Variants in RP1L1 observed in about 807,000 individuals in gnomAD.
RP1L1 encodes RP1 like 1, also known as retinitis pigmentosa 1-like 1 protein.
In RP1L1, 27 loss-of-function variants were observed where a neutral mutation model predicts 15.7. That is an observed-to-expected ratio of 1.72 (90% confidence interval 1.27 to 2.38). The LOEUF (loss-of-function observed/expected upper bound fraction) is 2.38, where lower values mean the gene tolerates loss of function less well. RP1L1 is among the 30% of genes most tolerant of loss of function. The probability of loss-of-function intolerance (pLI) is 0.00; values close to 1 mark genes in which losing one functional copy is unlikely to be tolerated. For missense variants in RP1L1, 4,798 were observed against 3,075.9 expected (o/e 1.56, Z -13.24); for synonymous variants, 1,813 against 1,276.7 (o/e 1.42, Z -8.96).
At chr8:10,613,898 T>C (rs560596324) in intron 3 of RP1L1, among the ~76,000 whole-genome samples, 60 of 152,254 alleles carry the variant, frequency 3.9e-4, no homozygotes, top group Non-Finnish European at 6.8e-4. Context: ...AACTTCAGTC[T>C]GAATTCAATC....
At chr8:10,631,405 A>ACG (rs765820848) in intron 1 of RP1L1, among the ~76,000 whole-genome samples, 2 of 133,632 alleles carry the variant, frequency 1.5e-5, no homozygotes, top group African/African-American at 5.5e-5. Context: ...ACGCACACAC[A>ACG]CGCACACACG....
chr8:10,610,290 C>T lies in RP1L1; in HGVS notation c.3808G>A (p.Ala1270Thr). 1 of 1,614,196 alleles carries T rather than the reference C, an allele frequency of 6.2e-7. No individual in the cohort carries two copies. Among genetic ancestry groups the T allele is most frequent in the Non-Finnish European group, 8.5e-7 (1 of 1,180,038 alleles). Residue 1270 changes from alanine to threonine, a missense_variant, in exon 4 of 4, where the codon GCC (alanine) becomes ACC (threonine). Transcript: ENST00000382483. ...CTTTCTGCTTCATCCTCATTGGTGG[C>T]ACAAGCGCAGGCTCGGGCGTTCAAG... ...TFLNARACAC[A>T]TNEDEAERDS...
chr8:10,610,636 C>A lies in RP1L1; in HGVS notation c.3462G>T (p.Ser1154=). The A allele has an allele frequency of 6.2e-7, 1 of 1,612,330 alleles. No individual in the cohort carries two copies. Among genetic ancestry groups the A allele is most frequent in the East Asian group, 2.2e-5 (1 of 44,852 alleles). ...CGTCACATCCTGGCCACAGGTCCTT[C>A]GAGATGCTGAGCAGCTCCTGGTACC... ...SPRYQELLSI[S]KDLWPGCDVG... is the part of the protein sequence containing the mutation. The change falls in exon 4 of 4, where the codon TCG becomes TCT. Residue 1154 remains serine (S), a synonymous_variant. Coordinates refer to ENST00000382483, the MANE Select transcript of RP1L1 (RefSeq NM_178857.6).
At chr8:10,621,517 G>T (rs556548263) in intron 2 of RP1L1, 7 of 346,164 alleles carry the variant, frequency 2.0e-5, no homozygotes, top group African/African-American at 1.5e-4. Context: ...GTAGATATAG[G>T]GTTTCGCCCT....
intron 1 of RP1L1, among the ~76,000 whole-genome samples, chr8:10,648,231 T>A (rs1345046884): frequency 1.3e-5 from 2 of 152,052 alleles, no homozygotes; most frequent in Admixed American, 1.3e-4. Flanking sequence ...GGGATTTCAC[T>A]ACATAGGCCA....
chr8:10,617,546 C>CTTTTTTTTTT (rs777209714), intron 2 of RP1L1, among the ~76,000 whole-genome samples: 75 of 63,400 alleles, frequency 1.2e-3, no homozygotes, highest in Admixed American at 1.5e-3. Flanking sequence ...GTTTCTTTTT[C>CTTTTTTTTTT]TTTTTTTTTT....
rs1204692440 is a variant in RP1L1, at chr8:10,608,083, A to C, written c.6015T>G (p.Ala2005=). The C allele has an allele frequency of 2.7e-6, 4 of 1,492,278 alleles. No individual in the cohort carries two copies. The highest frequency in any genetic ancestry group is 3.6e-6 in the Non-Finnish European group (4 of 1,122,082). The allele number at this position is 1,492,278 out of a possible 1,614,324, so 92.4% of individuals were successfully genotyped here. ...PESEDVEAPE[A]EGEMQEAEEE... ...CTTCTGCCTCTTGCATCTCCCCTTC[A>C]GCCTCTGGGGCCTCTACATCTTCTG... Residue 2005 remains alanine (A), a synonymous_variant, in exon 4 of 4, where the codon GCT becomes GCG. Coordinates refer to ENST00000382483, the MANE Select transcript of RP1L1 (RefSeq NM_178857.6).
chr8:10,653,143 A>C (rs1409191005), intron 1 of RP1L1, among the ~76,000 whole-genome samples: 2 of 152,216 alleles, frequency 1.3e-5, no homozygotes, highest in Non-Finnish European at 2.9e-5. Flanking sequence ...TGACATACTT[A>C]TTCAATGACA....
Position 10,610,269 on chromosome 8 carries a change from C to G in RP1L1, c.3829G>C (p.Glu1277Gln). ...CACATNEDEAERDSEEQRASS... is the reference protein window; with the variant it reads ...CACATNEDEAQRDSEEQRASS... ...GCCCTCTGCTCCTCACTGTCTCTTT[C>G]TGCTTCATCCTCATTGGTGGCACAA... The change falls in exon 4 of 4, where the codon GAA (glutamate) becomes CAA (glutamine). Residue 1277 changes from glutamate to glutamine, a missense_variant. Physicochemically the swap from Glu to Gln is conservative, Grantham distance 29. Coordinates refer to ENST00000382483, the MANE Select transcript of RP1L1 (RefSeq NM_178857.6). 3.1e-6 allele frequency: 5 copies of G among 1,614,216 alleles called. No homozygotes were observed. Among genetic ancestry groups the G allele is most frequent in the Non-Finnish European group, 4.2e-6 (5 of 1,180,048 alleles).
At chr8:10,629,905 C>G (rs1454349891) in intron 1 of RP1L1, among the ~76,000 whole-genome samples, 2 of 152,200 alleles carry the variant, frequency 1.3e-5, no homozygotes, top group Non-Finnish European at 2.9e-5. Flanking sequence ...CTCACCAAGA[C>G]CACTTATCCC....
intron 1 of RP1L1, among the ~76,000 whole-genome samples, chr8:10,652,461 C>T (rs918146107): frequency 2.0e-5 from 3 of 152,106 alleles, no homozygotes; most frequent in Non-Finnish European, 4.4e-5. Flanking sequence ...TTGACGAATG[C>T]GATGTCATCT....
intron 2 of RP1L1, chr8:10,621,687 G>A (rs762450302): frequency 2.0e-6 from 1 of 490,892 alleles, no homozygotes. Context: ...CAACAGGACT[G>A]AATCTTGAGG....
At chr8:10,635,583 G>A (rs1263520343) in intron 1 of RP1L1, among the ~76,000 whole-genome samples, 1 of 152,144 alleles carries the variant, frequency 6.6e-6, no homozygotes, top group Non-Finnish European at 1.5e-5. Flanking sequence ...TGCTCTCCAG[G>A]GGACCGTGGA....
chr8:10,653,008 G>C (rs1365601746), intron 1 of RP1L1, among the ~76,000 whole-genome samples: 2 of 152,206 alleles, frequency 1.3e-5, no homozygotes, highest in Admixed American at 1.3e-4. Context: ...CTCCGGGTCT[G>C]AGGCAGGGTG....
At chr8:10,629,098 G>A (rs923824295) in intron 1 of RP1L1, among the ~76,000 whole-genome samples, 1 of 152,272 alleles carries the variant, frequency 6.6e-6, no homozygotes, top group Non-Finnish European at 1.5e-5. Context: ...GAAAGAGAAT[G>A]GAGTGAGAAG....
At chr8:10,632,737 T>C (rs1798271193) in intron 1 of RP1L1, among the ~76,000 whole-genome samples, 1 of 152,228 alleles carries the variant, frequency 6.6e-6, no homozygotes, top group African/African-American at 2.4e-5. Flanking sequence ...CGGATCAACA[T>C]TCATCCAACA....
intron 2 of RP1L1, among the ~76,000 whole-genome samples, chr8:10,616,866 T>G (rs1292963775): frequency 6.6e-6 from 1 of 152,204 alleles, no homozygotes; most frequent in African/African-American, 2.4e-5. Context: ...ATGCCCCTGC[T>G]GCAAAAGACT....
chr8:10,610,026 C>T lies in RP1L1; in HGVS notation c.4072G>A (p.Glu1358Lys), dbSNP rs1249088401. Residue 1358 changes from glutamate to lysine, a missense_variant, in exon 4 of 4, where the codon GAA (glutamate) becomes AAA (lysine). By Grantham distance (56) the Glu-to-Lys change is moderately conservative. Coordinates refer to ENST00000382483, the MANE Select transcript of RP1L1 (RefSeq NM_178857.6). ...CCTTCTCCTCCTGTTTCTTCAATTT[C>T]CTCTAACTGCGCCTCTTCTTCTTGC... is the stretch of plus-strand genomic sequence containing the variant. ...GQQEEEAQLE[E>K]IEETGGEGLQ... is the part of the protein sequence containing the mutation. 7.2e-7 allele frequency: 1 copy of T among 1,383,460 alleles called. No individual in the cohort carries two copies. The highest frequency in any genetic ancestry group is 9.5e-7 in the Non-Finnish European group (1 of 1,053,872). 85.7% of individuals were successfully genotyped at this position (1,383,460 alleles called of 1,614,324 possible).
intron 1 of RP1L1, among the ~76,000 whole-genome samples, chr8:10,629,426 G>A (rs1798207769): frequency 6.6e-6 from 1 of 152,184 alleles, no homozygotes; most frequent in Admixed American, 6.5e-5. Context: ...GGGAGAAGCT[G>A]GAGAGGAGGA....
Sources: allele counts gnomAD v4.1 joint callset (sites outside exome capture counted in the v4.1 genomes callset), GRCh38; gene constraint gnomAD v4.1.1; transcripts MANE v1.5; gene names NCBI Gene and HGNC (gene_info 2026-07-23, HGNC 2026-07-21).